Variants in TXNDC11 observed in about 807,000 individuals in gnomAD.
The protein encoded by TXNDC11 is thioredoxin domain containing 11.
TXNDC11 carries 68 observed loss-of-function variants against 78.0 expected under a neutral mutation model. That is an observed-to-expected ratio of 0.87 (90% CI 0.72 to 1.07). The LOEUF is 1.07. Among genes scored for constraint, TXNDC11 ranks in the 50% least tolerant of loss-of-function variants. The probability of loss-of-function intolerance (pLI) is 0.00; values close to 1 mark genes in which losing one functional copy is unlikely to be tolerated. For synonymous variants in TXNDC11, 571 were observed against 495.2 expected, an observed-to-expected ratio of 1.15 and a Z score of -2.03; for missense variants, 1,389 against 1,221.8, an observed-to-expected ratio of 1.14 and a Z score of -2.04.
At position 11,679,388 on chromosome 16, in the gene TXNDC11, T is replaced by C. The variant is rs1476231449; in HGVS notation, c.2684A>G (p.Lys895Arg). 4.3e-6 allele frequency: 7 copies of C among 1,611,292 alleles called. No individual in the cohort carries two copies. Among genetic ancestry groups the C allele is most frequent in the Non-Finnish European group, 5.1e-6 (6 of 1,179,022 alleles). ...CCTCTCCATGGTCGCCACCAGGATC[T>C]TGAGCCACGTGTTCTCGGTAAGGAG... is the stretch of plus-strand genomic sequence containing the variant. The part of the protein sequence containing the change: ...ENLLTENTWL[K>R]ILVATMERKL... The change falls in exon 12 of 12, where the codon AAG becomes AGG. Residue 895 changes from lysine to arginine, a missense_variant. Coordinates refer to ENST00000283033, the MANE Select transcript of TXNDC11 (RefSeq NM_015914.7). The surrounding 1 kb of genome is among the most constrained non-coding windows in gnomAD (Gnocchi z 4.6).
At chr16:11,680,507 T>C (rs2050396528) in intron 11 of TXNDC11, among the ~76,000 whole-genome samples, 1 of 152,198 alleles carries the variant, frequency 6.6e-6, no homozygotes, top group African/African-American at 2.4e-5. Context: ...AAAGGGGTTT[T>C]CCCTACAGCT....
rs775064654 is a variant in TXNDC11 at position 11,730,647 on chromosome 16, C to A, written c.697G>T (p.Glu233Ter). The A allele has an allele frequency of 6.2e-7, 1 of 1,613,086 alleles. No homozygotes were observed. Among genetic ancestry groups the A allele is most frequent in the Non-Finnish European group, 8.5e-7 (1 of 1,179,374 alleles). Residue 233 changes from glutamate (E) to a stop codon, truncating the protein, a stop_gained and splice_region_variant, in exon 4 of 12, where the codon GAG (glutamate) becomes TAG (stop). Transcript: ENST00000283033. LOFTEE classifies it high-confidence loss of function. The part of the protein sequence containing the change: ...SELLDFLSNY[E>*]PGVLGYFEFS... ...GAGGAGATATGAAAGACAAGTACCTCGTAGTTTGAGAGAAAATCTAGTAAT... is the reference window on the plus strand; with the variant it reads ...GAGGAGATATGAAAGACAAGTACCTAGTAGTTTGAGAGAAAATCTAGTAAT...
At chr16:11,722,999 G>T (rs9923954) in intron 4 of TXNDC11, among the ~76,000 whole-genome samples, 71,289 of 151,566 alleles carry the variant, frequency 0.47, 17,000 homozygotes, top group Middle Eastern at 0.56. Flanking sequence ...GCTCACACTT[G>T]TAATCGCAGC....
intron 1 of TXNDC11, among the ~76,000 whole-genome samples, chr16:11,737,836 C>A (rs1478438399): frequency 7.7e-6 from 1 of 129,184 alleles, no homozygotes; most frequent in African/African-American, 3.0e-5. Context: ...GGCAACAGAG[C>A]GAGACTACGT....
intron 5 of TXNDC11, among the ~76,000 whole-genome samples, chr16:11,714,575 G>A (rs2051470412): frequency 6.6e-6 from 1 of 152,060 alleles, no homozygotes; most frequent in Non-Finnish European, 1.5e-5. Context: ...GGGAGGCGGA[G>A]GTTGCAGTGA....
chr16:11,694,484 G>C (rs1333441105), intron 7 of TXNDC11, among the ~76,000 whole-genome samples: 1 of 151,418 alleles, frequency 6.6e-6, no homozygotes, highest in Non-Finnish European at 1.5e-5. Flanking sequence ...TTTTGCTCCA[G>C]TTGCACAGGC....
intron 5 of TXNDC11, among the ~76,000 whole-genome samples, chr16:11,707,225 G>C (rs867651703): frequency 6.6e-6 from 1 of 151,916 alleles, no homozygotes; most frequent in Non-Finnish European, 1.5e-5. Flanking sequence ...TCAGGAGTTC[G>C]AGACCAGCCT....
At chr16:11,693,168 CCT>C (rs1555483172) in intron 7 of TXNDC11, among the ~76,000 whole-genome samples, 5 of 152,142 alleles carry the variant, frequency 3.3e-5, no homozygotes, top group Non-Finnish European at 4.4e-5. Flanking sequence ...TCAGTAAACC[CCT>C]GATGAATGAG....
chr16:11,732,022 G>A (rs2052070079), intron 3 of TXNDC11, among the ~76,000 whole-genome samples: 1 of 152,158 alleles, frequency 6.6e-6, no homozygotes, highest in Non-Finnish European at 1.5e-5. Flanking sequence ...GCTTTGATGA[G>A]TTTTCCTGTT....
chr16:11,687,444 A>G (rs78585281), intron 10 of TXNDC11, among the ~76,000 whole-genome samples: 1,806 of 152,280 alleles, frequency 0.012, 31 homozygotes, highest in South Asian at 0.079. Context: ...CAGAATGTGG[A>G]TATCTATTGG....
At position 11,679,758 on chromosome 16, in the gene TXNDC11, C is replaced by T; in HGVS notation, c.2314G>A (p.Asp772Asn). ...ACATTCTGGGGGCTGGAAGCAGGGTCTGAGTGATGCAAAATGAACCTCAAC... is the reference window on the plus strand; with the variant it reads ...ACATTCTGGGGGCTGGAAGCAGGGTTTGAGTGATGCAAAATGAACCTCAAC... ...NLLRFILHHS[D>N]PASSPQNVAN... The change falls in exon 12 of 12, where the codon GAC becomes AAC. Residue 772 changes from aspartate to asparagine, a missense_variant. By Grantham distance (23) the Asp-to-Asn change is conservative. Coordinates refer to ENST00000283033, the MANE Select transcript of TXNDC11 (RefSeq NM_015914.7). The surrounding 1 kb of genome is among the most constrained non-coding windows in gnomAD (Gnocchi z 4.6). The T allele has an allele frequency of 6.2e-7, 1 of 1,614,110 alleles. No homozygotes were observed. Among genetic ancestry groups the T allele is most frequent in the Non-Finnish European group, 8.5e-7 (1 of 1,180,012 alleles).
At chr16:11,719,207 T>C (rs1038316360) in intron 5 of TXNDC11, among the ~76,000 whole-genome samples, 2 of 152,230 alleles carry the variant, frequency 1.3e-5, no homozygotes. Context: ...ACCATCACTT[T>C]AGTGAATGAC....
chr16:11,691,241 A>C, intron 8 of TXNDC11, 49 bp downstream of exon 8: 1 of 1,497,862 alleles, frequency 6.7e-7, no homozygotes, highest in Non-Finnish European at 9.0e-7. Context: ...TACCCATATG[A>C]AGTCAAGCAA....
At chr16:11,710,493 C>G (rs558682354) in intron 5 of TXNDC11, among the ~76,000 whole-genome samples, 45 of 152,302 alleles carry the variant, frequency 3.0e-4, no homozygotes, top group African/African-American at 1.1e-3. Flanking sequence ...GATGGGGAAC[C>G]TGAAACCTGA....
chr16:11,712,732 T>C (rs910557091), intron 5 of TXNDC11, among the ~76,000 whole-genome samples: 1 of 152,014 alleles, frequency 6.6e-6, no homozygotes, highest in African/African-American at 2.4e-5. Context: ...GTGGCTGGAC[T>C]GCTTGAACCC....
Position 11,721,135 on chromosome 16 carries a change from G to C in TXNDC11, c.793+442C>G, listed in dbSNP as rs2051692662. Among the ~76,000 whole-genome samples the C allele has an allele frequency of 2.6e-5, 4 of 151,734 alleles. No homozygotes were observed. The South Asian group carries it at 8.3e-4, about 32-fold the overall frequency. ...TGCTAATGATGGAACACTAAACAAT[G>C]TAATTATTAAAAATACACTGACGGC... On this transcript the variant is annotated intron_variant, in intron 5 of 11. Coordinates refer to ENST00000283033, the MANE Select transcript of TXNDC11 (RefSeq NM_015914.7).
In TXNDC11 at chr16:11,679,247, T is replaced by C. The variant is rs369749233; in HGVS notation, c.2825A>G (p.Asn942Ser). Residue 942 changes from asparagine to serine, a missense_variant, in exon 12 of 12, where the codon AAT (asparagine) becomes AGT (serine). By Grantham distance (46) the Asn-to-Ser change is conservative (BLOSUM62 1). Coordinates refer to ENST00000283033, the MANE Select transcript of TXNDC11 (RefSeq NM_015914.7). The surrounding 1 kb of genome is among the most constrained non-coding windows in gnomAD (Gnocchi z 4.6). Reference protein sequence around the residue: ...QLPGSSPPPANVSATLVSERN... With the variant: ...QLPGSSPPPASVSATLVSERN... The stretch of plus-strand genomic sequence containing the variant: ...TTCAGACACCAGTGTGGCGCTGACA[T>C]TGGCAGGTGGAGGGGAGCTGCCAGG... 77 of 1,613,480 alleles carry C rather than the reference T, an allele frequency of 4.8e-5. No individual in the cohort carries two copies. The highest frequency in any genetic ancestry group is 6.2e-5 in the Non-Finnish European group (73 of 1,180,018).
chr16:11,737,805 C>G (rs1055472685), intron 1 of TXNDC11, among the ~76,000 whole-genome samples: 2 of 138,182 alleles, frequency 1.4e-5, no homozygotes, highest in African/African-American at 5.4e-5. Flanking sequence ...GAGCCAAGAT[C>G]ATGCCATTGC....
chr16:11,706,941 T>A (rs2051198206), intron 5 of TXNDC11, among the ~76,000 whole-genome samples: 1 of 152,146 alleles, frequency 6.6e-6, no homozygotes, highest in Admixed American at 6.6e-5. Flanking sequence ...ATACAGTATT[T>A]GCAGAATTTA....
Sources: allele counts gnomAD v4.1 joint callset (sites outside exome capture counted in the v4.1 genomes callset), GRCh38; gene constraint gnomAD v4.1.1; non-coding constraint Gnocchi (gnomAD v3.1); transcripts MANE v1.5; gene names NCBI Gene and HGNC (gene_info 2026-07-23, HGNC 2026-07-21).